HDAC7: variants seen among roughly 807,000 people sequenced by gnomAD.
HDAC7 encodes histone deacetylase 7.
In HDAC7, 26 loss-of-function variants were observed where a neutral mutation model predicts 115.5. The ratio of observed to expected loss-of-function variants is 0.23; its 90% CI spans 0.16 to 0.31. The LOEUF (loss-of-function observed/expected upper bound fraction) is 0.31. HDAC7 is among the 10% of genes least tolerant of loss of function. The pLI is 1.00. For synonymous variants in HDAC7, 564 were observed against 550.9 expected (o/e 1.02, Z -0.33); for missense variants, 1,068 against 1,329.0 (o/e 0.80, Z 3.05).
chr12:47,796,334 G>A (rs761900349), intron 7 of HDAC7, 36 bp from the exon 8 acceptor site: 39 of 1,527,254 alleles, frequency 2.6e-5, no homozygotes, highest in African/African-American at 2.4e-4. Flanking sequence ...GCAGTCAGAG[G>A]CCAGGGTGGG....
chr12:47,785,496 C>T (rs1943126325), intron 23 of HDAC7, 25 bp from the exon 24 acceptor site: 1 of 1,594,668 alleles, frequency 6.3e-7, no homozygotes, highest in East Asian at 2.2e-5. Flanking sequence ...ACATCAGCCA[C>T]CAGTCTCTCA....
At chr12:47,801,776 G>A (rs913311802) in intron 2 of HDAC7, among the ~76,000 whole-genome samples, 30 of 152,198 alleles carry the variant, frequency 2.0e-4, no homozygotes, top group Admixed American at 1.5e-3. Context: ...CGGGCCAGCA[G>A]AGGGAGGAGG....
chr12:47,800,650 T>C (rs1298445594), intron 2 of HDAC7, among the ~76,000 whole-genome samples: 1 of 152,208 alleles, frequency 6.6e-6, no homozygotes, highest in East Asian at 1.9e-4. Flanking sequence ...AAGGTTTCAG[T>C]CCTTCCATGT....
intron 1 of HDAC7, among the ~76,000 whole-genome samples, chr12:47,807,494 A>G (rs920831602): frequency 6.6e-6 from 1 of 152,130 alleles, no homozygotes; most frequent in Non-Finnish European, 1.5e-5. Context: ...GCAGAGGTTG[A>G]GCTGGGACTT....
intron 16 of HDAC7, 123 bp downstream of exon 16, chr12:47,791,136 G>A: frequency 1.0e-6 from 1 of 965,306 alleles, no homozygotes; most frequent in Middle Eastern, 3.0e-4. Context: ...GAAGTCCCTG[G>A]CTCACCCTGT....
intron 1 of HDAC7, among the ~76,000 whole-genome samples, chr12:47,811,520 A>G (rs1944663122): frequency 6.6e-6 from 1 of 152,260 alleles, no homozygotes; most frequent in Non-Finnish European, 1.5e-5. Context: ...TAAAAATTAC[A>G]ACACATAAAG....
At chr12:47,789,762 C>A in intron 17 of HDAC7, 51 bp downstream of exon 17, 2 of 1,459,060 alleles carry the variant, frequency 1.4e-6, no homozygotes, top group East Asian at 2.3e-5. Flanking sequence ...CCCACTACCC[C>A]ACTCTGCTTC....
At chr12:47,790,894 C>G (rs1039846051) in intron 16 of HDAC7, 14 of 328,278 alleles carry the variant, frequency 4.3e-5, no homozygotes, top group African/African-American at 8.8e-5. Flanking sequence ...GGTACCCCAA[C>G]TTGCCACTTA....
chr12:47,798,283 G>T lies in HDAC7; in HGVS notation c.350-64C>A. Reference sequence around the variant, plus strand: ...GACAGGCGGCCTCGTGGCACTACCTGGCCACTGCCCTGTCCCCATCCTCAG... The same window carrying T: ...GACAGGCGGCCTCGTGGCACTACCTTGCCACTGCCCTGTCCCCATCCTCAG... On this transcript the variant is annotated intron_variant, in intron 4 of 25. Transcript: ENST00000080059. This position sits in a 1 kb window ranked among gnomAD's most constrained non-coding sequence, Gnocchi z 4.3. The T allele has an allele frequency of 1.6e-6, 2 of 1,253,542 alleles. No homozygotes were observed. The highest frequency in any genetic ancestry group is 2.3e-6 in the Non-Finnish European group (2 of 856,448). 77.7% of individuals were successfully genotyped at this position (1,253,542 alleles called of 1,614,324 possible). A position where few individuals can be genotyped will look rare whatever the true frequency, so the allele number is the denominator to read the frequency against.
Position 47,794,784 on chromosome 12 carries a change from G to C in HDAC7, c.1434C>G (p.Pro478=), listed in dbSNP as rs373940893. The C allele has an allele frequency of 8.7e-6, 14 of 1,608,536 alleles. No individual in the cohort carries two copies. The Admixed American group carries it at 1.0e-4, about 12-fold the overall frequency. Residue 478 remains proline (P), a synonymous_variant, in exon 12 of 26, where the codon CCC becomes CCG. Coordinates refer to ENST00000080059, the MANE Select transcript of HDAC7 (RefSeq NM_015401.5). ...LGHGQPEARG[P]APLQQHPQVL... ...CCTGAGGGTGCTGCTGGAGAGGAGC[G>C]GGGCCTCTGGCCTCAGGCTGCCCAT...
intron 12 of HDAC7, among the ~76,000 whole-genome samples, chr12:47,794,154 A>C (rs1210158178): frequency 6.6e-6 from 1 of 152,204 alleles, no homozygotes; most frequent in Non-Finnish European, 1.5e-5. Context: ...GGGAAACCAC[A>C]TGAAGCCACA....
chr12:47,807,623 G>A (rs1944459239), intron 1 of HDAC7, among the ~76,000 whole-genome samples: 1 of 151,996 alleles, frequency 6.6e-6, no homozygotes, highest in African/African-American at 2.4e-5. Flanking sequence ...GACCTAGATG[G>A]GCATGCAGAA....
Position 47,794,251 on chromosome 12 carries a change from C to G in HDAC7, c.1458+509G>C, listed in dbSNP as rs1254956097. 2.6e-4 allele frequency among the ~76,000 whole-genome samples: 40 copies of G among 152,226 alleles called. 1 individual carries two copies. Among genetic ancestry groups the G allele is most frequent in the Admixed American group, 2.4e-3 (37 of 15,282 alleles). On this transcript the variant is annotated intron_variant, in intron 12 of 25. Transcript: ENST00000080059. The stretch of plus-strand genomic sequence containing the variant: ...TCACAGCCCCCAGAAGGAACCAACT[C>G]CACCAACACCTCGATTTTGACTTCC...
intron 1 of HDAC7, among the ~76,000 whole-genome samples, chr12:47,816,386 C>A (rs1944850630): frequency 6.6e-6 from 1 of 152,172 alleles, no homozygotes; most frequent in Admixed American, 6.5e-5. Context: ...CACACAGGGC[C>A]ATAACCTGAA....
At chr12:47,805,117 C>A (rs1238781907) in intron 1 of HDAC7, among the ~76,000 whole-genome samples, 8 of 151,264 alleles carry the variant, frequency 5.3e-5, no homozygotes, top group African/African-American at 1.9e-4. Flanking sequence ...GATGCCCAGG[C>A]TGGAGTGCAG....
chr12:47,783,741 C>T lies in HDAC7; in HGVS notation c.*100G>A. The T allele has an allele frequency of 8.2e-7, 1 of 1,217,918 alleles. No individual in the cohort carries two copies. Among genetic ancestry groups the T allele is most frequent in the Non-Finnish European group, 1.2e-6 (1 of 837,958 alleles). The allele number at this position is 1,217,918 out of a possible 1,614,324, so 75.4% of individuals were successfully genotyped here. ...CTGTTCTCTGGTTCCAACTACTTGC[C>T]CACAGGATCTCTAAAGACCCAGGAA... is the stretch of plus-strand genomic sequence containing the variant. On this transcript the variant is annotated 3_prime_UTR_variant, in exon 26 of 26. Coordinates refer to ENST00000080059, the MANE Select transcript of HDAC7 (RefSeq NM_015401.5).
chr12:47,815,316 T>G (rs1447492613), intron 1 of HDAC7, among the ~76,000 whole-genome samples: 1 of 152,202 alleles, frequency 6.6e-6, no homozygotes, highest in Non-Finnish European at 1.5e-5. Context: ...AGTGTAGTTA[T>G]GAGCACACAT....
Position 47,797,415 on chromosome 12 carries a change from G to T in HDAC7, c.546C>A (p.Asp182Glu). 1 of 1,614,178 alleles carries T rather than the reference G, an allele frequency of 6.2e-7. No individual in the cohort carries two copies. ...FLPPVPSLPSDPPEHFPLRKT... is the reference protein window; with the variant it reads ...FLPPVPSLPSEPPEHFPLRKT... ...TGCGCAGAGGGAAGTGCTCTGGGGG[G>T]TCACTGGGCAGGCTGGGAACAGGAG... The change falls in exon 6 of 26, where the codon GAC (aspartate) becomes GAA (glutamate). Residue 182 changes from aspartate to glutamate, a missense_variant. This residue lies in a region of HDAC7 where 618 missense variants were observed against 701.5 expected (regional missense o/e 0.88). Coordinates refer to ENST00000080059, the MANE Select transcript of HDAC7 (RefSeq NM_015401.5). This position sits in a 1 kb window ranked among gnomAD's most constrained non-coding sequence, Gnocchi z 5.5.
At position 47,797,027 on chromosome 12, in the gene HDAC7, C is replaced by T. The variant is rs1290378732; in HGVS notation, c.693G>A (p.Glu231=). The change falls in exon 7 of 26, where the codon GAG becomes GAA. Residue 231 remains glutamate, a synonymous_variant. Coordinates refer to ENST00000080059, the MANE Select transcript of HDAC7 (RefSeq NM_015401.5). This position sits in a 1 kb window ranked among gnomAD's most constrained non-coding sequence, Gnocchi z 5.5. ...TCAGCCGGCCCTCACCTCCGAGGGT[C>T]TCTGCGGGCCGCCGCCGGAGGCTGG... ...APPSLRRRPA[E]TLGDSSPSSS... is the part of the protein sequence containing the mutation. 1 of 1,564,222 alleles carries T rather than the reference C, an allele frequency of 6.4e-7. No individual in the cohort carries two copies. The highest frequency in any genetic ancestry group is 1.2e-5 in the South Asian group (1 of 82,418).
Sources: gnomAD v4.1 joint callset for allele counts (sites outside exome capture counted in the v4.1 genomes callset) on GRCh38, gnomAD v4.1.1 for gene constraint, gnomAD v4.1.1 regional missense constraint, Gnocchi (gnomAD v3.1) non-coding constraint, MANE v1.5 for transcripts, NCBI Gene and HGNC (gene_info 2026-07-23, HGNC 2026-07-21) for gene names.